The following CLYBL variants were observed in gnomAD, a reference collection of about 807,000 sequenced individuals.
CLYBL encodes citramalyl-CoA lyase.
CLYBL carries 31 observed loss-of-function variants against 38.9 expected under a neutral mutation model. That is an observed-to-expected ratio of 0.80 (90% CI 0.60 to 1.08). The LOEUF (loss-of-function observed/expected upper bound fraction) is 1.08, where lower values mean the gene tolerates loss of function less well. CLYBL is among the 50% of genes least tolerant of loss of function. CLYBL has a pLI of 0.00. For missense variants in CLYBL, 434 were observed against 411.6 expected, an observed-to-expected ratio of 1.05 and a Z score of -0.47; for synonymous variants, 171 against 158.6, an observed-to-expected ratio of 1.08 and a Z score of -0.59.
intron 1 of CLYBL, among the ~76,000 whole-genome samples, chr13:99,761,988 CT>C (rs1361180581): frequency 6.6e-6 from 1 of 152,096 alleles, no homozygotes; most frequent in Non-Finnish European, 1.5e-5. Flanking sequence ...CTGTTCAGAC[CT>C]TTTGTCTGTT....
At chr13:99,890,686 T>C (rs1192323574) in intron 7 of CLYBL, among the ~76,000 whole-genome samples, 3 of 152,174 alleles carry the variant, frequency 2.0e-5, no homozygotes, top group Non-Finnish European at 4.4e-5. Flanking sequence ...CAGGCTGGTC[T>C]TGAACTCCTG....
chr13:99,631,308 C>T (rs1041282275), intron 1 of CLYBL, among the ~76,000 whole-genome samples: 1 of 148,794 alleles, frequency 6.7e-6, no homozygotes, highest in Non-Finnish European at 1.5e-5. Context: ...GGTGGCAGAG[C>T]CAGACCCTGT....
At chr13:99,772,710 TAAA>T in intron 1 of CLYBL, 111 bp from the exon 2 acceptor site, 1 of 923,220 alleles carries the variant, frequency 1.1e-6, no homozygotes, top group Non-Finnish European at 1.6e-6. Flanking sequence ...AAAATAAAAA[TAAA>T]AAAAGATTAT....
chr13:99,860,584 T>C (rs956845851), intron 3 of CLYBL, among the ~76,000 whole-genome samples: 2 of 152,246 alleles, frequency 1.3e-5, no homozygotes, highest in African/African-American at 4.8e-5. Flanking sequence ...TTTGGTTTCA[T>C]AGTTAATGCC....
intron 1 of CLYBL, among the ~76,000 whole-genome samples, chr13:99,661,951 A>G (rs1038513393): frequency 6.6e-6 from 1 of 152,154 alleles, no homozygotes; most frequent in African/African-American, 2.4e-5. Flanking sequence ...TTCAGGCCCA[A>G]TCAGCAAACT....
intron 1 of CLYBL, among the ~76,000 whole-genome samples, chr13:99,681,278 ATTGCAATAAAGTTG>A (rs2047730878): frequency 3.3e-5 from 5 of 152,210 alleles, no homozygotes; most frequent in Admixed American, 3.3e-4. Context: ...GATTTGGATA[ATTGCAATAAAGTTG>A]TGTAGGAGAG....
At chr13:99,907,290 A>T (rs2152139960) in intron 9 of CLYBL, among the ~76,000 whole-genome samples, 1 of 152,268 alleles carries the variant, frequency 6.6e-6, no homozygotes, top group South Asian at 2.1e-4. Flanking sequence ...AATGGGGGTA[A>T]TAATACTACC....
chr13:99,670,656 T>C (rs1440183447), intron 1 of CLYBL, among the ~76,000 whole-genome samples: 1 of 152,192 alleles, frequency 6.6e-6, no homozygotes, highest in East Asian at 1.9e-4. Flanking sequence ...ACAATTTGTT[T>C]TTGGCCAAAA....
intron 1 of CLYBL, among the ~76,000 whole-genome samples, chr13:99,717,436 G>GAAAAAAAA (rs1172721313): frequency 2.2e-5 from 2 of 91,074 alleles, no homozygotes; most frequent in Non-Finnish European, 2.1e-5. Flanking sequence ...AAAAAAATTA[G>GAAAAAAAA]AAAAAAAAAA....
At chr13:99,641,070 T>C (rs1201823229) in intron 1 of CLYBL, among the ~76,000 whole-genome samples, 1 of 152,254 alleles carries the variant, frequency 6.6e-6, no homozygotes, top group African/African-American at 2.4e-5. Context: ...TTGAAAAGTA[T>C]GTAACAGTTT....
chr13:99,643,660 A>G (rs1040197166), intron 1 of CLYBL, among the ~76,000 whole-genome samples: 10 of 152,168 alleles, frequency 6.6e-5, no homozygotes, highest in Non-Finnish European at 1.3e-4. Context: ...TGTGGGTCCA[A>G]ACCCATGAGT....
chr13:99,903,183 C>T (rs1344408975), intron 8 of CLYBL, among the ~76,000 whole-genome samples: 1 of 152,190 alleles, frequency 6.6e-6, no homozygotes, highest in East Asian at 1.9e-4. Flanking sequence ...ATTTTAAAAC[C>T]TGGCTAGTTC....
At chr13:99,646,591 G>A (rs1472768228) in intron 1 of CLYBL, among the ~76,000 whole-genome samples, 1 of 142,322 alleles carries the variant, frequency 7.0e-6, no homozygotes, top group Non-Finnish European at 1.5e-5. Context: ...TCGGCTCACT[G>A]CAACCTCTGC....
intron 1 of CLYBL, among the ~76,000 whole-genome samples, chr13:99,704,634 G>A (rs2048118583): frequency 2.0e-5 from 3 of 152,304 alleles, no homozygotes; most frequent in South Asian, 4.2e-4. Flanking sequence ...CCAGGTGCTC[G>A]ACTGTGTACA....
At chr13:99,626,791 G>A (rs781040860) in intron 1 of CLYBL, among the ~76,000 whole-genome samples, 14 of 152,012 alleles carry the variant, frequency 9.2e-5, no homozygotes, top group Non-Finnish European at 2.1e-4. Flanking sequence ...AAAAAAGTAA[G>A]GTTTTCAAGT....
Position 99,641,895 on chromosome 13 carries a change from T to C in CLYBL, c.62+35138T>C, listed in dbSNP as rs368229348. 7.9e-5 allele frequency among the ~76,000 whole-genome samples: 12 copies of C among 152,326 alleles called. No individual in the cohort carries two copies. In the East Asian group the frequency reaches 1.5e-3, roughly 20 times the overall value. On this transcript the variant is annotated intron_variant, in intron 1 of 8. Coordinates refer to ENST00000339105, the MANE Select transcript of CLYBL (RefSeq NM_206808.5). ...ATGAATCAGTGGAGTAAAACATTTC[T>C]GAGATTGGTGCATTTTCCTTTTGGA...
Position 99,754,932 on chromosome 13 carries a change from C to G in CLYBL, c.63-17892C>G, listed in dbSNP as rs146269058. 3.0e-3 allele frequency among the ~76,000 whole-genome samples: 458 copies of G among 150,462 alleles called. 2 individuals are homozygous for G. Among genetic ancestry groups the G allele is most frequent in the African/African-American group, 0.01 (409 of 40,882 alleles). On this transcript the variant is annotated intron_variant, in intron 1 of 8. Transcript: ENST00000339105. Reference sequence around the variant, plus strand: ...TTTTTTTTTGAGACGGAGTCTCACTCTGTTGCCCAGGCTGAAGTGCAGTGG... The same window carrying G: ...TTTTTTTTTGAGACGGAGTCTCACTGTGTTGCCCAGGCTGAAGTGCAGTGG...
intron 1 of CLYBL, among the ~76,000 whole-genome samples, chr13:99,686,512 C>CAGAGAGAGAG (rs34750084): frequency 1.5e-3 from 227 of 150,214 alleles, no homozygotes; most frequent in African/African-American, 5.2e-3. Flanking sequence ...TTTGTTTCAA[C>CAGAGAGAGAG]AGAGAGAGAG....
intron 7 of CLYBL, chr13:99,877,718 AG>A (rs1289398186): frequency 3.6e-6 from 1 of 281,310 alleles, no homozygotes; most frequent in Non-Finnish European, 6.9e-6. Context: ...CTAGGATTAC[AG>A]GCGCACAACA....
Sources: allele counts gnomAD v4.1 joint callset (sites outside exome capture counted in the v4.1 genomes callset), GRCh38; gene constraint gnomAD v4.1.1; transcripts MANE v1.5; gene names NCBI Gene and HGNC (gene_info 2026-07-23, HGNC 2026-07-21).